The following ZC3H8 variants were observed in gnomAD, a reference collection of about 807,000 sequenced individuals.
The protein encoded by ZC3H8 is zinc finger CCCH-type containing 8.
Under a neutral mutation model 42.5 loss-of-function variants are expected in ZC3H8, and 27 were observed. The ratio of observed to expected loss-of-function variants is 0.64; its 90% CI spans 0.47 to 0.88. ZC3H8 has a LOEUF of 0.88. ZC3H8 is among the 40% of genes least tolerant of loss of function. The pLI, the probability that ZC3H8 is intolerant of heterozygous loss-of-function variation, is 0.00. For missense variants in ZC3H8, 277 were observed against 336.1 expected (o/e 0.82, Z 1.37); for synonymous variants, 101 against 110.1 (o/e 0.92, Z 0.52).
At position 112,234,162 on chromosome 2, in the gene ZC3H8, T is replaced by C. The variant is rs1288593353; in HGVS notation, c.579A>G (p.Gly193=). The C allele has an allele frequency of 3.1e-6, 5 of 1,607,022 alleles. No individual in the cohort carries two copies. Among genetic ancestry groups the C allele is most frequent in the Non-Finnish European group, 4.2e-6 (5 of 1,177,106 alleles). The part of the protein sequence containing the change: ...FINQHTVERK[G]KQICKYFLER... ...CAAGAAAATATTTACAAATTTGTTT[T>C]CCCTTGCGTTCCACTGTATGTTGGT... Residue 193 remains glycine (G), a synonymous_variant, in exon 5 of 9, where the codon GGA becomes GGG. Coordinates refer to ENST00000409573, the MANE Select transcript of ZC3H8 (RefSeq NM_032494.3).
intron 2 of ZC3H8, among the ~76,000 whole-genome samples, chr2:112,242,071 C>T (rs1295187599): frequency 6.6e-6 from 1 of 152,128 alleles, no homozygotes. Context: ...CACAGACTTA[C>T]CAACACATCA....
intron 2 of ZC3H8, among the ~76,000 whole-genome samples, chr2:112,243,294 G>C (rs1341184198): frequency 6.6e-6 from 1 of 152,168 alleles, no homozygotes; most frequent in African/African-American, 2.4e-5. Context: ...CCTAACCTTT[G>C]ATTGGCAGTG....
intron 8 of ZC3H8, among the ~76,000 whole-genome samples, chr2:112,223,264 AAAG>A (rs1684671178): frequency 6.6e-6 from 1 of 152,214 alleles, no homozygotes. Context: ...TAATTTAAAA[AAAG>A]AAAAAAAAAG....
rs1434678119 is a variant in ZC3H8 at position 112,212,964 on chromosome 2, G to GTTTTTTTTTTTTTT, written c.*3519_*3520insAAAAAAAAAAAAAA. ...TCAGCAAGCACAACTCAGAAGAAAT[G>GTTTTTTTTTTTTTT]CTTTTTTTTTTTTTTTTTTTTTTTA... On this transcript the variant is annotated 3_prime_UTR_variant, in exon 9 of 9. Transcript: ENST00000409573. 1 of 99,442 alleles carries GTTTTTTTTTTTTTT rather than the reference G, an allele frequency of 1.0e-5. No individual in the cohort carries two copies. The highest frequency in any genetic ancestry group is 2.1e-5 in the Non-Finnish European group (1 of 48,664). 6.2% of individuals were successfully genotyped at this position (99,442 alleles called of 1,614,324 possible). A position where few individuals can be genotyped will look rare whatever the true frequency, so the allele number is the denominator to read the frequency against.
intron 2 of ZC3H8, among the ~76,000 whole-genome samples, chr2:112,247,421 A>G (rs925902215): frequency 6.6e-6 from 1 of 152,114 alleles, no homozygotes; most frequent in African/African-American, 2.4e-5. Flanking sequence ...CTAAAAATAC[A>G]AAAATTAGCC....
chr2:112,218,208 G>A (rs1684413860), intron 8 of ZC3H8, among the ~76,000 whole-genome samples: 1 of 152,184 alleles, frequency 6.6e-6, no homozygotes, highest in Admixed American at 6.5e-5. Flanking sequence ...TGAAAAGACT[G>A]TATATGAGGT....
intron 2 of ZC3H8, among the ~76,000 whole-genome samples, chr2:112,242,343 T>C (rs999313731): frequency 6.6e-6 from 1 of 152,224 alleles, no homozygotes; most frequent in African/African-American, 2.4e-5. Flanking sequence ...AGTCCATAAA[T>C]ACAATTTTAT....
chr2:112,250,995 A>G (rs1685926243), intron 1 of ZC3H8, among the ~76,000 whole-genome samples: 1 of 152,196 alleles, frequency 6.6e-6, no homozygotes, highest in Non-Finnish European at 1.5e-5. Context: ...CTAAATATGA[A>G]CCCAAGAGGG....
intron 1 of ZC3H8, among the ~76,000 whole-genome samples, chr2:112,254,466 T>C (rs1686058029): frequency 6.6e-6 from 1 of 152,230 alleles, no homozygotes; most frequent in African/African-American, 2.4e-5. Flanking sequence ...GGTTTCATCC[T>C]TTCTACAGAA....
intron 8 of ZC3H8, among the ~76,000 whole-genome samples, chr2:112,219,286 G>A (rs764704760): frequency 2.4e-4 from 37 of 152,260 alleles, no homozygotes; most frequent in East Asian, 3.9e-4. Flanking sequence ...AAACCCTCAC[G>A]TCTATGGTAA....
At chr2:112,253,132 C>CA (rs1348965486) in intron 1 of ZC3H8, among the ~76,000 whole-genome samples, 1 of 150,704 alleles carries the variant, frequency 6.6e-6, no homozygotes, top group East Asian at 1.9e-4. Flanking sequence ...AGACTCTGCT[C>CA]AAAAAAATAA....
chr2:112,237,058 C>T (rs1053247502), intron 3 of ZC3H8, among the ~76,000 whole-genome samples: 1 of 151,990 alleles, frequency 6.6e-6, no homozygotes, highest in African/African-American at 2.4e-5. Context: ...GAGAACCTGT[C>T]GCAAAACAAA....
At chr2:112,221,446 T>G (rs745540543) in intron 8 of ZC3H8, among the ~76,000 whole-genome samples, 7 of 152,218 alleles carry the variant, frequency 4.6e-5, no homozygotes, top group Non-Finnish European at 7.3e-5. Context: ...CAGAAGCAGA[T>G]GCCTCCATGC....
intron 2 of ZC3H8, 126 bp downstream of exon 2, chr2:112,250,065 A>T (rs1685895020): frequency 1.6e-6 from 1 of 617,372 alleles, no homozygotes; most frequent in Non-Finnish European, 2.6e-6. Context: ...AAAATGAGAC[A>T]AGTAGGATCC....
intron 6 of ZC3H8, among the ~76,000 whole-genome samples, chr2:112,233,038 C>A (rs1331265732): frequency 6.6e-6 from 1 of 152,156 alleles, no homozygotes; most frequent in East Asian, 1.9e-4. Flanking sequence ...CTATACCACC[C>A]AGGTTGAGCA....
At position 112,255,026 on chromosome 2, in the gene ZC3H8, T is replaced by C. The variant is rs779932191; in HGVS notation, c.-45A>G. ...TTTCGCGAGCCGGGAAGCTACAGAGTAACAACCCGAGAGAGTGACAACCCG... is the reference window on the plus strand; with the variant it reads ...TTTCGCGAGCCGGGAAGCTACAGAGCAACAACCCGAGAGAGTGACAACCCG... On this transcript the variant is annotated 5_prime_UTR_variant, in exon 1 of 9. Coordinates refer to ENST00000409573, the MANE Select transcript of ZC3H8 (RefSeq NM_032494.3). The C allele has an allele frequency of 9.6e-6, 15 of 1,559,056 alleles. No individual in the cohort carries two copies. The East Asian group carries it at 1.9e-4, about 20-fold the overall frequency.
chr2:112,233,855 T>C (rs1343600164), intron 5 of ZC3H8, among the ~76,000 whole-genome samples: 1 of 152,046 alleles, frequency 6.6e-6, no homozygotes, highest in Admixed American at 6.6e-5. Flanking sequence ...GGCGACACAG[T>C]GAGACACCAT....
intron 8 of ZC3H8, among the ~76,000 whole-genome samples, chr2:112,227,658 TA>T (rs1224950834): frequency 6.6e-6 from 1 of 152,130 alleles, no homozygotes; most frequent in Non-Finnish European, 1.5e-5. Flanking sequence ...ATAACAGAAA[TA>T]AATTCTATTT....
At chr2:112,219,689 G>C (rs1434214957) in intron 8 of ZC3H8, among the ~76,000 whole-genome samples, 2 of 151,900 alleles carry the variant, frequency 1.3e-5, no homozygotes, top group African/African-American at 4.8e-5. Context: ...TTTATGCCCG[G>C]GTGTATGGTC....
Sources: allele counts gnomAD v4.1 joint callset (sites outside exome capture counted in the v4.1 genomes callset), GRCh38; gene constraint gnomAD v4.1.1; transcripts MANE v1.5; gene names NCBI Gene and HGNC (gene_info 2026-07-23, HGNC 2026-07-21).